Variants in CACNA1S observed in about 807,000 individuals in gnomAD.
CACNA1S encodes voltage-dependent L-type calcium channel subunit alpha-1S.
A neutral mutation model predicts 207.4 loss-of-function variants in CACNA1S; 126 were observed. The observed-to-expected ratio is 0.61, with a 90% CI of 0.53 to 0.70. The LOEUF (loss-of-function observed/expected upper bound fraction) is 0.70, where lower values mean the gene tolerates loss of function less well. CACNA1S is among the 30% of genes least tolerant of loss of function. CACNA1S has a pLI of 0.00. For missense variants in CACNA1S, 2,349 were observed against 2,422.8 expected, an observed-to-expected ratio of 0.97 and a Z score of 0.64; for synonymous variants, 960 against 932.7, an observed-to-expected ratio of 1.03 and a Z score of -0.53.
rs762710265 is a variant in CACNA1S, at chr1:201,077,067, G to A, written c.1680C>T (p.Ala560=). ...AGAGGAAGAGCAGCAGCAGCAGGGAGGCGATGGAGCGGATGGAGTTGAGCA... is the reference window on the plus strand; with the variant it reads ...AGAGGAAGAGCAGCAGCAGCAGGGAAGCGATGGAGCGGATGGAGTTGAGCA... ...ASLLNSIRSI[A]SLLLLLFLFI... The change falls in exon 12 of 44, where the codon GCC becomes GCT. Residue 560 remains alanine (A), a synonymous_variant. Coordinates refer to ENST00000362061, the MANE Select transcript of CACNA1S (RefSeq NM_000069.3). 6.2e-7 allele frequency: 1 copy of A among 1,614,270 alleles called. No individual in the cohort carries two copies.
chr1:201,087,437 C>CA (rs1558078024), intron 7 of CACNA1S, among the ~76,000 whole-genome samples: 2 of 152,184 alleles, frequency 1.3e-5, no homozygotes, highest in African/African-American at 4.8e-5. Flanking sequence ...TAGGCACCCC[C>CA]GGGGCCAGGA....
intron 13 of CACNA1S, 39 bp downstream of exon 13, chr1:201,075,456 C>CCCCCAG: frequency 6.2e-7 from 1 of 1,600,914 alleles, no homozygotes. Context: ...CCCACCCCCT[C>CCCCCAG]CCTAAGCTCT....
chr1:201,080,745 G>GT (rs1661814788), intron 10 of CACNA1S, among the ~76,000 whole-genome samples: 1 of 147,942 alleles, frequency 6.8e-6, no homozygotes, highest in East Asian at 1.9e-4. Context: ...TTTTTTTGTT[G>GT]TTGTTTGTTT....
At position 201,058,416 on chromosome 1, in the gene CACNA1S, C is replaced by T; in HGVS notation, c.3601G>A (p.Glu1201Lys). Residue 1201 changes from glutamate (E) to lysine (K), a missense_variant, in exon 28 of 44, where the codon GAG (glutamate) becomes AAG (lysine). Coordinates refer to ENST00000362061, the MANE Select transcript of CACNA1S (RefSeq NM_000069.3). ...GCCTGCCTGATACTCACGTCGATCT[C>T]ACTGAGGATGACATCAATGATGCTG... ...IGSIIDVILS[E>K]IDTFLASSGG... 6.2e-7 allele frequency: 1 copy of T among 1,613,990 alleles called. No homozygotes were observed. Among genetic ancestry groups the T allele is most frequent in the Non-Finnish European group, 8.5e-7 (1 of 1,179,842 alleles).
In CACNA1S at chr1:201,092,021, GA is replaced by G; in HGVS notation, c.491del (p.Leu164ProfsTer23). On this transcript the variant is annotated frameshift_variant, in exon 4 of 44. Transcript: ENST00000362061. LOFTEE classifies it high-confidence loss of function. ...GGGGTCTGAGCACTCGGAAGGCTCT[GA>G]GGGCCTTGACATCCAAGCCGGCTCC... The part of the protein sequence containing the change: ...SKGAGLDVKA[L>X]RAFRVLRPLR... 1 of 1,614,164 alleles carries G rather than the reference GA, an allele frequency of 6.2e-7. No individual in the cohort carries two copies. Among genetic ancestry groups the G allele is most frequent in the African/African-American group, 1.3e-5 (1 of 75,046 alleles).
intron 34 of CACNA1S, among the ~76,000 whole-genome samples, chr1:201,049,361 G>A (rs1660577020): frequency 6.6e-6 from 1 of 152,198 alleles, no homozygotes; most frequent in African/African-American, 2.4e-5. Flanking sequence ...AACCAGGTCT[G>A]GAATCCAGAC....
At chr1:201,094,673 C>T (rs1019185494) in intron 2 of CACNA1S, among the ~76,000 whole-genome samples, 13 of 152,102 alleles carry the variant, frequency 8.5e-5, no homozygotes, top group Admixed American at 6.6e-5. Flanking sequence ...GTCCCCTGCC[C>T]GTCCCACCTG....
At chr1:201,072,212 A>G (rs940068771) in intron 16 of CACNA1S, among the ~76,000 whole-genome samples, 10 of 152,120 alleles carry the variant, frequency 6.6e-5, no homozygotes, top group African/African-American at 2.4e-4. Context: ...ATTTGCATTT[A>G]TGAGATGTTT....
chr1:201,081,878 G>A (rs1034351232), intron 10 of CACNA1S, among the ~76,000 whole-genome samples: 22 of 152,256 alleles, frequency 1.4e-4, no homozygotes, highest in African/African-American at 5.1e-4. Context: ...CATGTGACAT[G>A]CCTGCCCTCC....
chr1:201,047,142 C>A lies in CACNA1S; in HGVS notation c.4641G>T (p.Arg1547=). 1.9e-6 allele frequency: 3 copies of A among 1,614,174 alleles called. No homozygotes were observed. Among genetic ancestry groups the A allele is most frequent in the Admixed American group, 1.7e-5 (1 of 60,016 alleles). ...MKRQEEYYGY[R]PKKDIVQIQA... is the part of the protein sequence containing the mutation. ...GGATCTGTACAATGTCCTTCTTGGGCCGATAGCCATAATACTCCTCTTGGC... is the reference window on the plus strand; with the variant it reads ...GGATCTGTACAATGTCCTTCTTGGGACGATAGCCATAATACTCCTCTTGGC... Residue 1547 remains arginine, a synonymous_variant, in exon 38 of 44, where the codon CGG becomes CGT. Coordinates refer to ENST00000362061, the MANE Select transcript of CACNA1S (RefSeq NM_000069.3).
At chr1:201,043,022 T>A in intron 40 of CACNA1S, 1 of 463,318 alleles carries the variant, frequency 2.2e-6, no homozygotes, top group Non-Finnish European at 4.0e-6. Context: ...GCTCCTAGAC[T>A]TGCTGAAGCC....
intron 36 of CACNA1S, among the ~76,000 whole-genome samples, chr1:201,048,166 C>T (rs1660530462): frequency 6.6e-6 from 1 of 152,206 alleles, no homozygotes. Context: ...CTGACTCCTT[C>T]CCCTGCTCCC....
intron 28 of CACNA1S, among the ~76,000 whole-genome samples, 165 bp from the exon 29 acceptor site, chr1:201,054,726 G>A: frequency 6.6e-6 from 1 of 152,150 alleles, no homozygotes; most frequent in Non-Finnish European, 1.5e-5. Flanking sequence ...TCAGGGGCGG[G>A]GTGGGTGGGA....
intron 10 of CACNA1S, among the ~76,000 whole-genome samples, chr1:201,081,498 C>T (rs1236301323): frequency 1.3e-5 from 2 of 152,188 alleles, no homozygotes; most frequent in African/African-American, 2.4e-5. Context: ...TGGACGAGGC[C>T]GACTCACTGA....
In CACNA1S at chr1:201,102,719, C is replaced by T. The variant is rs895361168; in HGVS notation, c.258+7445G>A. 2.0e-5 allele frequency among the ~76,000 whole-genome samples: 3 copies of T among 152,328 alleles called. No individual in the cohort carries two copies. The East Asian group carries it at 5.8e-4, about 29-fold the overall frequency. ...GATTAATTTCTCCAGGATCACATAG[C>T]TACCAAGAGGCAGAGCCATGATATG... On this transcript the variant is annotated intron_variant, in intron 2 of 43. Transcript: ENST00000362061.
At chr1:201,087,166 G>T (rs1025301936) in intron 7 of CACNA1S, among the ~76,000 whole-genome samples, 3 of 152,108 alleles carry the variant, frequency 2.0e-5, no homozygotes, top group Non-Finnish European at 2.9e-5. Context: ...TTAGTATTTA[G>T]TGCTTATTTT....
intron 10 of CACNA1S, 139 bp from the exon 11 acceptor site, chr1:201,078,243 G>A: frequency 2.7e-6 from 2 of 741,406 alleles, no homozygotes; most frequent in Non-Finnish European, 4.9e-6. Context: ...GGGGGTGCAG[G>A]GGGCAGGGCC....
At chr1:201,109,315 T>G (rs1663016207) in intron 2 of CACNA1S, among the ~76,000 whole-genome samples, 1 of 151,832 alleles carries the variant, frequency 6.6e-6, no homozygotes, top group Admixed American at 6.6e-5. Context: ...GATATAGATG[T>G]GGGTGACCCT....
At chr1:201,067,044 T>C (rs775586851) in intron 19 of CACNA1S, 51 bp from the exon 20 acceptor site, 1 of 1,228,990 alleles carries the variant, frequency 8.1e-7, no homozygotes, top group East Asian at 2.4e-5. Flanking sequence ...AGAACAGGCC[T>C]GTCTCCCACA....
Sources: allele counts gnomAD v4.1 joint callset (sites outside exome capture counted in the v4.1 genomes callset), GRCh38; gene constraint gnomAD v4.1.1; transcripts MANE v1.5; gene names NCBI Gene and HGNC (gene_info 2026-07-23, HGNC 2026-07-21).